Variants in TNS3 observed in about 807,000 individuals in gnomAD.
TNS3 encodes the protein tensin 3, also known as tensin-3.
TNS3 carries 45 observed loss-of-function variants against 140.9 expected under a neutral mutation model. The observed-to-expected ratio is 0.32, with a 90% CI of 0.25 to 0.41. The LOEUF is 0.41. Among genes scored for constraint, TNS3 ranks in the 10% least tolerant of loss-of-function variants. The pLI, the probability that TNS3 is intolerant of heterozygous loss-of-function variation, is 1.00. For missense variants in TNS3, 1,716 were observed against 1,906.7 expected (o/e 0.90, Z 1.86); for synonymous variants, 815 against 788.4 (o/e 1.03, Z -0.56).
chr7:47,472,899 G>A (rs539657794), intron 4 of TNS3, among the ~76,000 whole-genome samples: 5 of 152,300 alleles, frequency 3.3e-5, no homozygotes, highest in African/African-American at 1.2e-4. Context: ...GGGGGTGAGG[G>A]TCATCCCCAA....
At chr7:47,519,936 GC>G (rs2151915445) in intron 2 of TNS3, among the ~76,000 whole-genome samples, 1 of 140,102 alleles carries the variant, frequency 7.1e-6, no homozygotes, top group Non-Finnish European at 1.5e-5. Flanking sequence ...TCATTCTCCT[GC>G]CTCAGTCTCC....
At chr7:47,358,934 A>G (rs1325314223) in intron 17 of TNS3, among the ~76,000 whole-genome samples, 4 of 152,184 alleles carry the variant, frequency 2.6e-5, no homozygotes, top group African/African-American at 9.7e-5. Context: ...CTGGGGACAA[A>G]TGAAACACCC....
chr7:47,483,171 A>AT (rs10716006), intron 3 of TNS3, among the ~76,000 whole-genome samples: 12,877 of 139,404 alleles, frequency 0.092, 623 homozygotes, highest in African/African-American at 0.1. Flanking sequence ...AGTGTGTCCA[A>AT]TTTTTTTTTT....
At chr7:47,571,093 C>T (rs73695396) in intron 1 of TNS3, among the ~76,000 whole-genome samples, 141 of 152,274 alleles carry the variant, frequency 9.3e-4, no homozygotes, top group Middle Eastern at 6.8e-3. Flanking sequence ...GGGGGCCCAA[C>T]GTGGAGGAAC....
chr7:47,342,908 T>C lies in TNS3; in HGVS notation c.2650+1847A>G, dbSNP rs150098275. 3.9e-5 allele frequency among the ~76,000 whole-genome samples: 6 copies of C among 152,332 alleles called. No homozygotes were observed. In the East Asian group the frequency reaches 5.8e-4, roughly 15 times the overall value. ...GCAAGGGCACTGGCTCACCACACTGTCTGATGAAAGCATCCACTAAGTCAG... is the reference window on the plus strand; with the variant it reads ...GCAAGGGCACTGGCTCACCACACTGCCTGATGAAAGCATCCACTAAGTCAG... On this transcript the variant is annotated intron_variant, in intron 20 of 30. Transcript: ENST00000311160.
chr7:47,498,144 G>A (rs1798081524), intron 3 of TNS3, among the ~76,000 whole-genome samples: 1 of 152,194 alleles, frequency 6.6e-6, no homozygotes, highest in African/African-American at 2.4e-5. Flanking sequence ...GTTAGAACTG[G>A]TCAAAAGACA....
intron 2 of TNS3, among the ~76,000 whole-genome samples, chr7:47,522,308 GC>G: frequency 6.6e-6 from 1 of 152,272 alleles, no homozygotes; most frequent in Non-Finnish European, 1.5e-5. Context: ...TTTCAGATCT[GC>G]CCACCTCTGA....
intron 1 of TNS3, among the ~76,000 whole-genome samples, chr7:47,550,718 G>A (rs662698): frequency 0.59 from 90,408 of 151,986 alleles, 27,879 homozygotes; most frequent in Non-Finnish European, 0.68. Flanking sequence ...CAACAAAAAA[G>A]GCTGGAAGCA....
intron 4 of TNS3, among the ~76,000 whole-genome samples, chr7:47,464,328 T>C (rs1796613527): frequency 6.6e-6 from 1 of 152,206 alleles, no homozygotes; most frequent in Admixed American, 6.5e-5. Context: ...AATAGTCATC[T>C]GCCCGGGATG....
chr7:47,312,144 T>C (rs1189244613), intron 20 of TNS3, among the ~76,000 whole-genome samples: 1 of 152,186 alleles, frequency 6.6e-6, no homozygotes, highest in East Asian at 1.9e-4. Flanking sequence ...CATGAATACA[T>C]GTGCACGTTT....
At chr7:47,345,071 C>T (rs1032355677) in intron 18 of TNS3, 33 bp from the exon 19 acceptor site, 26 of 1,577,880 alleles carry the variant, frequency 1.6e-5, no homozygotes, top group Non-Finnish European at 2.3e-5. Context: ...AATGTGAGAA[C>T]AGGGAGTCAA....
In TNS3 at chr7:47,278,115, G is replaced by A. The variant is rs757721376; in HGVS notation, c.4299C>T (p.Phe1433=). 19 of 1,614,134 alleles carry A rather than the reference G, an allele frequency of 1.2e-5. No homozygotes were observed. Among genetic ancestry groups the A allele is most frequent in the Admixed American group, 5.0e-5 (3 of 60,028 alleles). The stretch of plus-strand genomic sequence containing the variant: ...GGGAACCAATCATGACCTTTGATAC[G>A]AAGTTGACAATGGCACTGGCAGGCT... The part of the protein sequence containing the change: ...PEQPASAIVN[F]VSKVMIGSPK... The change falls in exon 31 of 31, where the codon TTC becomes TTT. Residue 1433 remains phenylalanine (F), a synonymous_variant. Coordinates refer to ENST00000311160, the MANE Select transcript of TNS3 (RefSeq NM_022748.12).
Position 47,578,056 on chromosome 7 carries a change from G to A in TNS3, c.-265+3995C>T, listed in dbSNP as rs549437669. Among the ~76,000 whole-genome samples, 19 of 151,488 alleles carry A rather than the reference G, an allele frequency of 1.3e-4. No individual in the cohort carries two copies. In the East Asian group the frequency reaches 3.5e-3, roughly 28 times the overall value. On this transcript the variant is annotated intron_variant, in intron 1 of 30. Coordinates refer to ENST00000311160, the MANE Select transcript of TNS3 (RefSeq NM_022748.12). ...CGGCCGGGCACAGTGGCTCACGCCT[G>A]TAACCCCACGCTTTGGGAGGCCGAG...
chr7:47,302,073 C>T, intron 23 of TNS3, 113 bp downstream of exon 23: 2 of 814,116 alleles, frequency 2.5e-6, no homozygotes, highest in South Asian at 3.1e-5. Flanking sequence ...AAACTCAATC[C>T]ATATGAAGGC....
At chr7:47,545,074 A>C (rs1249985482) in intron 1 of TNS3, among the ~76,000 whole-genome samples, 1 of 151,470 alleles carries the variant, frequency 6.6e-6, no homozygotes, top group Non-Finnish European at 1.5e-5. Context: ...AAAAGGACAC[A>C]GTTGTTGGTG....
chr7:47,470,891 T>C (rs1584729884), intron 4 of TNS3, among the ~76,000 whole-genome samples: 1 of 152,102 alleles, frequency 6.6e-6, no homozygotes, highest in South Asian at 2.1e-4. Context: ...AAATTCCAGC[T>C]ACAAAGGGAG....
chr7:47,551,975 T>C (rs1460158094), intron 1 of TNS3, among the ~76,000 whole-genome samples: 1 of 149,624 alleles, frequency 6.7e-6, no homozygotes, highest in East Asian at 1.9e-4. Flanking sequence ...AATGCACTTC[T>C]TGTGTTGGAG....
intron 14 of TNS3, 107 bp downstream of exon 14, chr7:47,400,678 A>C: frequency 1.3e-6 from 2 of 1,522,718 alleles, no homozygotes; most frequent in Non-Finnish European, 1.8e-6. Context: ...CAATTTTGTC[A>C]GTAGGCTGAA....
chr7:47,498,336 C>A (rs1448807213), intron 3 of TNS3, among the ~76,000 whole-genome samples: 1 of 152,216 alleles, frequency 6.6e-6, no homozygotes, highest in Non-Finnish European at 1.5e-5. Context: ...ACAGGCCTGG[C>A]CTGAGCCACG....
Sources: gnomAD v4.1 joint callset for allele counts (sites outside exome capture counted in the v4.1 genomes callset) on GRCh38, gnomAD v4.1.1 for gene constraint, MANE v1.5 for transcripts, NCBI Gene and HGNC (gene_info 2026-07-23, HGNC 2026-07-21) for gene names.